Variants in CDC42BPB observed in about 807,000 individuals in gnomAD.
CDC42BPB encodes CDC42 binding protein kinase beta, also known as serine/threonine-protein kinase MRCK beta.
CDC42BPB carries 37 observed loss-of-function variants against 214.9 expected under a neutral mutation model. The observed-to-expected ratio is 0.17, with a 90% CI of 0.13 to 0.23. The LOEUF (loss-of-function observed/expected upper bound fraction) is 0.23. Ranked by LOEUF, CDC42BPB falls within the 10% of genes least tolerant of loss-of-function variation. CDC42BPB has a pLI of 1.00. For synonymous variants in CDC42BPB, 931 were observed against 884.0 expected, an observed-to-expected ratio of 1.05 and a Z score of -0.94; for missense variants, 1,694 against 2,227.0, an observed-to-expected ratio of 0.76 and a Z score of 4.82.
Position 102,932,670 on chromosome 14 carries a change from CT to C in CDC42BPB, c.*1041del, listed in dbSNP as rs1891434412. On this transcript the variant is annotated 3_prime_UTR_variant, in exon 37 of 37. Transcript: ENST00000361246. The stretch of plus-strand genomic sequence containing the variant: ...GGCCCAAGCTGTGGACAAGCTGTGT[CT>C]GCCGCCACAGTTAATCACAAGCCTC... The C allele has an allele frequency of 6.6e-6, 1 of 152,438 alleles. No individual in the cohort carries two copies. The highest frequency in any genetic ancestry group is 2.4e-5 in the African/African-American group (1 of 41,392). 9.4% of individuals were successfully genotyped at this position (152,438 alleles called of 1,614,324 possible).
chr14:103,032,072 G>A (rs571377408), intron 1 of CDC42BPB, among the ~76,000 whole-genome samples: 1 of 151,568 alleles, frequency 6.6e-6, no homozygotes, highest in African/African-American at 2.4e-5. Flanking sequence ...AGCACCAGCC[G>A]GCGGCCAGCC....
At chr14:102,950,087 G>A (rs1032759373) in intron 25 of CDC42BPB, 183 bp from the exon 26 acceptor site, 195 of 985,334 alleles carry the variant, frequency 2.0e-4, no homozygotes, top group Non-Finnish European at 2.3e-4. Context: ...GGCAGCAGAC[G>A]GTGCCAGGGA....
chr14:102,936,557 G>A (rs1354514850), intron 36 of CDC42BPB, among the ~76,000 whole-genome samples: 3 of 148,204 alleles, frequency 2.0e-5, no homozygotes, highest in Non-Finnish European at 4.5e-5. Context: ...TCCAGACAGG[G>A]AAATCACAGG....
intron 3 of CDC42BPB, among the ~76,000 whole-genome samples, chr14:103,007,732 C>A (rs1885918488): frequency 6.6e-6 from 1 of 152,188 alleles, no homozygotes. Flanking sequence ...TGCCAAGTGC[C>A]TTCTGGCAGA....
chr14:103,037,348 A>G (rs920940094), intron 1 of CDC42BPB, among the ~76,000 whole-genome samples: 1 of 152,008 alleles, frequency 6.6e-6, no homozygotes, highest in Non-Finnish European at 1.5e-5. Flanking sequence ...GCTGGAGTAC[A>G]GTGGCACAAT....
chr14:103,020,228 A>C (rs1284562607), intron 1 of CDC42BPB, among the ~76,000 whole-genome samples: 1 of 152,222 alleles, frequency 6.6e-6, no homozygotes, highest in Non-Finnish European at 1.5e-5. Flanking sequence ...TCCATTACGA[A>C]TAATACCTTT....
At position 102,940,305 on chromosome 14, in the gene CDC42BPB, G is replaced by T. The variant is rs1300525067; in HGVS notation, c.4428C>A (p.Val1476=). 4 of 1,576,166 alleles carry T rather than the reference G, an allele frequency of 2.5e-6. No homozygotes were observed. In the Admixed American group the frequency reaches 5.6e-5, roughly 22 times the overall value. The stretch of plus-strand genomic sequence containing the variant: ...CCACGCCATACTCGCTGTACACCGT[G>T]ACGTGGGTGGGGCTGCAACCTAGCG... ...PVACSCSPTH[V]TVYSEYGVDV... is the part of the protein sequence containing the mutation. The change falls in exon 31 of 37, where the codon GTC becomes GTA. Residue 1476 remains valine (V), a synonymous_variant. Transcript: ENST00000361246.
chr14:103,009,027 C>T (rs1202349419), intron 2 of CDC42BPB, among the ~76,000 whole-genome samples: 2 of 152,230 alleles, frequency 1.3e-5, no homozygotes, highest in African/African-American at 2.4e-5. Flanking sequence ...GCCATCACTA[C>T]CAACACCCGT....
At chr14:102,955,078 C>T (rs528804081) in intron 21 of CDC42BPB, among the ~76,000 whole-genome samples, 5 of 152,356 alleles carry the variant, frequency 3.3e-5, no homozygotes, top group South Asian at 4.1e-4. Flanking sequence ...AATGCTGATC[C>T]TTCCTGACCT....
At chr14:102,996,372 G>A (rs1013053906) in intron 5 of CDC42BPB, among the ~76,000 whole-genome samples, 3 of 152,092 alleles carry the variant, frequency 2.0e-5, no homozygotes, top group Non-Finnish European at 2.9e-5. Flanking sequence ...TGAGGAGAAC[G>A]CTTTCTATTT....
intron 1 of CDC42BPB, among the ~76,000 whole-genome samples, chr14:103,022,793 T>C (rs1886842101): frequency 6.6e-6 from 1 of 152,172 alleles, no homozygotes; most frequent in African/African-American, 2.4e-5. Context: ...AATAAGCAAT[T>C]GTGAGAACAC....
intron 23 of CDC42BPB, among the ~76,000 whole-genome samples, chr14:102,953,042 T>C (rs1043039490): frequency 2.6e-5 from 4 of 152,214 alleles, no homozygotes; most frequent in African/African-American, 4.8e-5. Flanking sequence ...GGACAGTTCA[T>C]AACAGCAAAC....
At chr14:102,936,625 G>A (rs1039841412) in intron 36 of CDC42BPB, among the ~76,000 whole-genome samples, 6 of 152,294 alleles carry the variant, frequency 3.9e-5, no homozygotes, top group African/African-American at 1.4e-4. Context: ...AGTGCTTAAA[G>A]GGCAGGGGGT....
intron 1 of CDC42BPB, among the ~76,000 whole-genome samples, chr14:103,021,076 AG>A (rs1217724638): frequency 1.3e-5 from 2 of 152,350 alleles, no homozygotes; most frequent in East Asian, 3.9e-4. Context: ...GCTGATAACC[AG>A]GAAGTATAAC....
At chr14:102,996,271 CG>C (rs1337534236) in intron 5 of CDC42BPB, among the ~76,000 whole-genome samples, 1 of 151,852 alleles carries the variant, frequency 6.6e-6, no homozygotes, top group East Asian at 2.0e-4. Flanking sequence ...ACCCGGGAGG[CG>C]GAGCTTGCAG....
chr14:102,969,502 C>G (rs535188846), intron 14 of CDC42BPB, among the ~76,000 whole-genome samples: 1 of 152,250 alleles, frequency 6.6e-6, no homozygotes, highest in Admixed American at 6.5e-5. Context: ...CAGCCAAGCC[C>G]GCTGCCAGGG....
In CDC42BPB at chr14:102,963,398, A is replaced by G. The variant is rs919960627; in HGVS notation, c.2727-243T>C. The G allele has an allele frequency of 6.0e-6, 3 of 501,224 alleles. No individual in the cohort carries two copies. In the African/African-American group the frequency reaches 6.3e-5, roughly 10 times the overall value. 31.0% of individuals were successfully genotyped at this position (501,224 alleles called of 1,614,324 possible). A position where few individuals can be genotyped will look rare whatever the true frequency, so the allele number is the denominator to read the frequency against. ...AGGAAGGCGTGTCTCATGAAGGCCT[A>G]ATGGAGCTCTTGACCTTCCTAATCT... On this transcript the variant is annotated intron_variant, in intron 19 of 36. Transcript: ENST00000361246.
chr14:103,053,688 G>C (rs1888770701), intron 1 of CDC42BPB, among the ~76,000 whole-genome samples: 2 of 151,084 alleles, frequency 1.3e-5, no homozygotes, highest in Non-Finnish European at 3.0e-5. Flanking sequence ...CGTGAACCCG[G>C]GAGGCAGAGC....
intron 2 of CDC42BPB, among the ~76,000 whole-genome samples, chr14:103,011,796 C>T (rs776004583): frequency 6.6e-6 from 1 of 152,082 alleles, no homozygotes; most frequent in East Asian, 1.9e-4. Context: ...TTGGTCCCAA[C>T]AATCTCCCAG....
Sources: gnomAD v4.1 joint callset for allele counts (sites outside exome capture counted in the v4.1 genomes callset) on GRCh38, gnomAD v4.1.1 for gene constraint, MANE v1.5 for transcripts, NCBI Gene and HGNC (gene_info 2026-07-23, HGNC 2026-07-21) for gene names.